The following EHHADH variants were observed in gnomAD, a reference collection of about 807,000 sequenced individuals.
EHHADH encodes peroxisomal bifunctional enzyme.
Under a neutral mutation model 64.4 loss-of-function variants are expected in EHHADH, and 48 were observed. That is an observed-to-expected ratio of 0.75 (90% CI 0.59 to 0.95). The LOEUF is 0.95. Among genes scored for constraint, EHHADH ranks in the 40% least tolerant of loss-of-function variants. EHHADH has a pLI of 0.00. For missense variants in EHHADH, 854 were observed against 876.6 expected, an observed-to-expected ratio of 0.97 and a Z score of 0.33; for synonymous variants, 308 against 326.7, an observed-to-expected ratio of 0.94 and a Z score of 0.62.
At chr3:185,233,510 AT>A (rs1371175829) in intron 3 of EHHADH, among the ~76,000 whole-genome samples, 1 of 152,212 alleles carries the variant, frequency 6.6e-6, no homozygotes, top group African/African-American at 2.4e-5. Context: ...CAGTAATTAC[AT>A]TAAATATAAG....
intron 5 of EHHADH, among the ~76,000 whole-genome samples, chr3:185,209,688 T>C (rs1329827508): frequency 1.3e-5 from 2 of 152,184 alleles, no homozygotes; most frequent in Admixed American, 6.5e-5. Context: ...TATAGATATA[T>C]TGTATAATCT....
intron 6 of EHHADH, among the ~76,000 whole-genome samples, chr3:185,199,426 A>G (rs1276673185): frequency 3.3e-5 from 5 of 152,144 alleles, no homozygotes; most frequent in Non-Finnish European, 5.9e-5. Context: ...ATTGGCTCCT[A>G]AAATCTCCCA....
intron 4 of EHHADH, among the ~76,000 whole-genome samples, chr3:185,228,251 A>ATAT: frequency 1.7e-5 from 1 of 59,600 alleles, no homozygotes; most frequent in African/African-American, 4.2e-5. Context: ...AAAAAAAAAA[A>ATAT]AAAAAAATAT....
intron 5 of EHHADH, among the ~76,000 whole-genome samples, chr3:185,209,280 T>C (rs987201134): frequency 1.3e-5 from 2 of 152,158 alleles, no homozygotes; most frequent in African/African-American, 4.8e-5. Context: ...GATATAAATA[T>C]TTAATAGCAT....
intron 5 of EHHADH, among the ~76,000 whole-genome samples, chr3:185,208,362 G>T (rs1718453469): frequency 6.6e-6 from 1 of 152,182 alleles, no homozygotes; most frequent in Admixed American, 6.5e-5. Flanking sequence ...CACCTTGATT[G>T]TAGCTTTGTT....
intron 5 of EHHADH, among the ~76,000 whole-genome samples, chr3:185,215,480 A>G (rs1560012493): frequency 6.6e-6 from 1 of 152,210 alleles, no homozygotes; most frequent in South Asian, 2.1e-4. Context: ...AAAGTAGGTC[A>G]CTGGTTGCCT....
At chr3:185,212,013 G>A (rs777775629) in intron 5 of EHHADH, among the ~76,000 whole-genome samples, 4 of 152,194 alleles carry the variant, frequency 2.6e-5, no homozygotes, top group Non-Finnish European at 4.4e-5. Context: ...GACACTCCCA[G>A]CTGGATAATT....
At chr3:185,204,798 T>C (rs368665770) in intron 5 of EHHADH, 41 bp from the exon 6 acceptor site, 65 of 1,491,278 alleles carry the variant, frequency 4.4e-5, no homozygotes, top group Non-Finnish European at 5.9e-5. Flanking sequence ...GAAATGTTAC[T>C]TGTACAAAGG....
intron 2 of EHHADH, chr3:185,245,747 G>C: frequency 1.4e-6 from 1 of 704,578 alleles, no homozygotes; most frequent in Non-Finnish European, 2.6e-6. Flanking sequence ...AAAAATGCAA[G>C]TGTGCTGACA....
intron 6 of EHHADH, among the ~76,000 whole-genome samples, chr3:185,202,039 T>TA (rs1355291061): frequency 1.3e-5 from 2 of 152,290 alleles, no homozygotes; most frequent in African/African-American, 2.4e-5. Flanking sequence ...TCCATCTTCT[T>TA]AAAAAATCAC....
At position 185,248,227 on chromosome 3, in the gene EHHADH, C is replaced by G. The variant is rs546485819; in HGVS notation, c.178+187G>C. 8 of 575,372 alleles carry G rather than the reference C, an allele frequency of 1.4e-5. No individual in the cohort carries two copies. The African/African-American group carries it at 1.5e-4, about 11-fold the overall frequency. The allele number at this position is 575,372 out of a possible 1,614,324, so 35.6% of individuals were successfully genotyped here. A position where few individuals can be genotyped will look rare whatever the true frequency, so the allele number is the denominator to read the frequency against. The stretch of plus-strand genomic sequence containing the variant: ...AAAGCCCAATCCACAATAAAAGAGA[C>G]TAAGCCCTTCTCTGGGTCTCTCTTG... On this transcript the variant is annotated intron_variant, in intron 2 of 6. Transcript: ENST00000231887.
chr3:185,227,065 A>G (rs377086185), intron 4 of EHHADH, among the ~76,000 whole-genome samples: 1 of 152,258 alleles, frequency 6.6e-6, no homozygotes, highest in Non-Finnish European at 1.5e-5. Context: ...ATTAAGTTGC[A>G]CAAGGCATAT....
At position 185,248,466 on chromosome 3, in the gene EHHADH, G is replaced by T. The variant is rs1232343760; in HGVS notation, c.126C>A (p.Asp42Glu). Residue 42 changes from aspartate (D) to glutamate (E), a missense_variant, in exon 2 of 7, where the codon GAC (aspartate) becomes GAA (glutamate). Coordinates refer to ENST00000231887, the MANE Select transcript of EHHADH (RefSeq NM_001966.4). ...IKEGLQKAVI[D>E]HTIKAIVICG... ...AAATCACAATGGCTTTTATTGTATG[G>T]TCTATTACAGCTTTCTGTAGTCCTT... is the stretch of plus-strand genomic sequence containing the variant. The T allele has an allele frequency of 6.8e-6, 11 of 1,613,942 alleles. No individual in the cohort carries two copies. In the Middle Eastern group the frequency reaches 4.9e-4, roughly 72 times the overall value.
chr3:185,236,464 A>G (rs762471388), intron 2 of EHHADH, among the ~76,000 whole-genome samples: 16 of 140,682 alleles, frequency 1.1e-4, no homozygotes, highest in Non-Finnish European at 2.6e-4. Context: ...GGTTGAGGAC[A>G]GCTGATTTAG....
chr3:185,249,810 T>A (rs55776179), intron 1 of EHHADH, among the ~76,000 whole-genome samples: 9,543 of 151,996 alleles, frequency 0.063, 999 homozygotes, highest in African/African-American at 0.21. Context: ...AAAGACTATA[T>A]TTTCCAGCCT....
chr3:185,198,944 A>C lies in EHHADH; in HGVS notation c.911-5457T>G, dbSNP rs966513110. ...TCAATTAAACTGTTATTAAAAAAAA[A>C]CATGAAGAGCATCAACCTTCAGGGA... On this transcript the variant is annotated intron_variant, in intron 6 of 6. Transcript: ENST00000231887. 9.2e-5 allele frequency among the ~76,000 whole-genome samples: 14 copies of C among 151,792 alleles called. 1 individual carries two copies. The highest frequency in any genetic ancestry group is 7.9e-4 in the Admixed American group (12 of 15,278).
chr3:185,238,755 T>C (rs1019663142), intron 2 of EHHADH, among the ~76,000 whole-genome samples: 6 of 152,202 alleles, frequency 3.9e-5, no homozygotes, highest in Middle Eastern at 3.2e-3. Flanking sequence ...GTTGTCTGTT[T>C]ACTCTGCTGA....
intron 3 of EHHADH, among the ~76,000 whole-genome samples, chr3:185,235,017 A>G (rs1719249195): frequency 6.6e-6 from 1 of 152,066 alleles, no homozygotes; most frequent in Non-Finnish European, 1.5e-5. Context: ...CCCCGTCTCT[A>G]CTAAAAATAC....
chr3:185,197,858 G>A (rs554596060), intron 6 of EHHADH, among the ~76,000 whole-genome samples: 7 of 152,156 alleles, frequency 4.6e-5, no homozygotes, highest in Non-Finnish European at 8.8e-5. Flanking sequence ...GTGCAGTGGC[G>A]TGATCTCGGA....
Sources: allele counts gnomAD v4.1 joint callset (sites outside exome capture counted in the v4.1 genomes callset), GRCh38; gene constraint gnomAD v4.1.1; transcripts MANE v1.5; gene names NCBI Gene and HGNC (gene_info 2026-07-23, HGNC 2026-07-21).